The following NRG1 variants were observed in gnomAD, a reference collection of about 807,000 sequenced individuals.
NRG1 encodes the protein pro-neuregulin-1, membrane-bound isoform.
NRG1 carries 18 observed loss-of-function variants against 63.8 expected under a neutral mutation model. That is an observed-to-expected ratio of 0.28 (90% CI 0.19 to 0.42). The LOEUF (loss-of-function observed/expected upper bound fraction) is 0.42, where lower values mean the gene tolerates loss of function less well. Ranked by LOEUF, NRG1 falls within the 10% of genes least tolerant of loss-of-function variation. NRG1 has a pLI of 1.00. For synonymous variants in NRG1, 302 were observed against 301.3 expected (o/e 1.00, Z -0.02); for missense variants, 762 against 814.7 (o/e 0.94, Z 0.79).
chr8:32,047,021 C>A (rs1428520838), intron 1 of NRG1, among the ~76,000 whole-genome samples: 2 of 152,024 alleles, frequency 1.3e-5, no homozygotes, highest in African/African-American at 2.4e-5. Flanking sequence ...CTTCCATTCT[C>A]TGGCTACACT....
intron 1 of NRG1, among the ~76,000 whole-genome samples, chr8:31,641,515 A>G (rs1020810742): frequency 5.9e-5 from 9 of 152,164 alleles, no homozygotes; most frequent in Non-Finnish European, 1.2e-4. Flanking sequence ...TTTCCCACTT[A>G]CCACTGAAAA....
chr8:32,725,681 G>C (rs1456035973), intron 5 of NRG1, among the ~76,000 whole-genome samples: 1 of 151,390 alleles, frequency 6.6e-6, no homozygotes, highest in East Asian at 2.0e-4. Context: ...TCACCATGTT[G>C]GTCAGGCTGG....
At chr8:32,614,692 A>G in intron 4 of NRG1, 128 bp downstream of exon 4, 1 of 825,498 alleles carries the variant, frequency 1.2e-6, no homozygotes, top group Non-Finnish European at 1.9e-6. Context: ...CTGCTTCAAT[A>G]TTTTTCTCAA....
At chr8:32,262,401 G>A (rs142278786) in intron 1 of NRG1, among the ~76,000 whole-genome samples, 1 of 152,260 alleles carries the variant, frequency 6.6e-6, no homozygotes, top group African/African-American at 2.4e-5. Flanking sequence ...AATGCTGGAG[G>A]TGTGAAAGCA....
intron 1 of NRG1, among the ~76,000 whole-genome samples, chr8:32,322,332 C>A (rs1333202837): frequency 1.3e-5 from 2 of 148,944 alleles, no homozygotes; most frequent in African/African-American, 5.0e-5. Flanking sequence ...TAACGATAAA[C>A]CTTATTTAAG....
intron 1 of NRG1, among the ~76,000 whole-genome samples, chr8:32,582,151 G>A (rs938362166): frequency 6.8e-6 from 1 of 147,324 alleles, no homozygotes; most frequent in African/African-American, 2.5e-5. Flanking sequence ...AGACTGGAGT[G>A]CAGTGGCATG....
At chr8:32,733,864 A>G (rs1824352928) in intron 6 of NRG1, among the ~76,000 whole-genome samples, 1 of 152,226 alleles carries the variant, frequency 6.6e-6, no homozygotes, top group South Asian at 2.1e-4. Context: ...TATAATCATC[A>G]TTTATAGAGT....
At chr8:32,199,851 T>A (rs1248399629) in intron 1 of NRG1, among the ~76,000 whole-genome samples, 2 of 152,092 alleles carry the variant, frequency 1.3e-5, no homozygotes, top group Non-Finnish European at 2.9e-5. Context: ...ACGATCTTAG[T>A]TCACTGCAAC....
At chr8:32,090,435 C>G (rs1828948291) in intron 1 of NRG1, among the ~76,000 whole-genome samples, 1 of 152,142 alleles carries the variant, frequency 6.6e-6, no homozygotes. Flanking sequence ...ATTCTCCTGC[C>G]TCAGCCTCCC....
chr8:31,687,497 A>T (rs1809025367), intron 1 of NRG1, among the ~76,000 whole-genome samples: 1 of 152,220 alleles, frequency 6.6e-6, no homozygotes, highest in African/African-American at 2.4e-5. Context: ...CCTGTACCTG[A>T]TCTGCAGACT....
intron 1 of NRG1, among the ~76,000 whole-genome samples, chr8:31,747,821 C>T (rs543447681): frequency 5.9e-5 from 9 of 151,908 alleles, no homozygotes; most frequent in Non-Finnish European, 1.5e-5. Flanking sequence ...TTGAAATGAG[C>T]TTGTCTGGGT....
At chr8:31,742,455 A>ATTTTTTTTTTTTTTT (rs36040084) in intron 1 of NRG1, among the ~76,000 whole-genome samples, 981 of 79,954 alleles carry the variant, frequency 0.012, 78 homozygotes, top group Non-Finnish European at 0.019. Flanking sequence ...TTTTTTAAGA[A>ATTTTTTTTTTTTTTT]TTTTTTTTTT....
chr8:32,582,915 A>C (rs866251934), intron 1 of NRG1, among the ~76,000 whole-genome samples: 1 of 152,218 alleles, frequency 6.6e-6, no homozygotes, highest in Non-Finnish European at 1.5e-5. Flanking sequence ...CATGACTTTA[A>C]AGAACAGTTA....
chr8:31,824,490 A>C (rs1457545196), intron 1 of NRG1, among the ~76,000 whole-genome samples: 2 of 152,156 alleles, frequency 1.3e-5, no homozygotes, highest in Non-Finnish European at 2.9e-5. Flanking sequence ...TCAGAGTTGG[A>C]GGTTGCTCCT....
At chr8:32,402,671 C>A (rs553352861) in intron 1 of NRG1, among the ~76,000 whole-genome samples, 1 of 152,204 alleles carries the variant, frequency 6.6e-6, no homozygotes, top group African/African-American at 2.4e-5. Context: ...CCTCAAAGCA[C>A]AGGAGTAGCA....
chr8:31,694,615 A>T (rs1173530643), intron 1 of NRG1, among the ~76,000 whole-genome samples: 1 of 152,182 alleles, frequency 6.6e-6, no homozygotes, highest in African/African-American at 2.4e-5. Context: ...TGTGTTTTGT[A>T]TAGAAGGCTA....
intron 1 of NRG1, among the ~76,000 whole-genome samples, chr8:31,982,574 A>G (rs1159924262): frequency 6.6e-6 from 1 of 152,056 alleles, no homozygotes; most frequent in Admixed American, 6.6e-5. Context: ...CATCTGGAGC[A>G]GAATTTGTTT....
At chr8:32,444,893 G>T (rs1010702633) in intron 1 of NRG1, among the ~76,000 whole-genome samples, 8 of 152,164 alleles carry the variant, frequency 5.3e-5, no homozygotes, top group East Asian at 1.9e-4. Context: ...AAAGAGCCTC[G>T]ATAGCTTTAA....
intron 1 of NRG1, among the ~76,000 whole-genome samples, chr8:31,994,866 A>G (rs2129633160): frequency 6.6e-6 from 1 of 152,006 alleles, no homozygotes; most frequent in South Asian, 2.1e-4. Context: ...ATTTGATTGA[A>G]AATATAAATT....
Sources: allele counts gnomAD v4.1 joint callset (sites outside exome capture counted in the v4.1 genomes callset), GRCh38; gene constraint gnomAD v4.1.1; transcripts MANE v1.5; gene names NCBI Gene and HGNC (gene_info 2026-07-23, HGNC 2026-07-21).